MCPH1: variants seen among roughly 807,000 people sequenced by gnomAD.
MCPH1 encodes the protein microcephalin 1.
A neutral mutation model predicts 84.5 loss-of-function variants in MCPH1; 104 were observed. The ratio of observed to expected loss-of-function variants is 1.23; its 90% CI spans 1.05 to 1.45. The LOEUF (loss-of-function observed/expected upper bound fraction) is 1.45. Ranked by LOEUF, MCPH1 falls within the 40% of genes most tolerant of loss-of-function variation. MCPH1 has a pLI of 0.00. For synonymous variants in MCPH1, 514 were observed against 366.8 expected, an observed-to-expected ratio of 1.40 and a Z score of -4.58; for missense variants, 1,498 against 1,005.7, an observed-to-expected ratio of 1.49 and a Z score of -6.62.
At chr8:6,626,467 T>C (rs1030368747) in intron 13 of MCPH1, 2 of 966,390 alleles carry the variant, frequency 2.1e-6, no homozygotes, top group Non-Finnish European at 2.4e-6. Context: ...TTTGGTTTTT[T>C]TGTTTTGTTT....
chr8:6,607,511 A>T (rs1232830491), intron 12 of MCPH1, among the ~76,000 whole-genome samples: 1 of 152,188 alleles, frequency 6.6e-6, no homozygotes, highest in Non-Finnish European at 1.5e-5. Flanking sequence ...GAACCTAGCA[A>T]TGGGTGAGGA....
chr8:6,446,879 C>A, intron 8 of MCPH1: 1 of 981,150 alleles, frequency 1.0e-6, no homozygotes, highest in South Asian at 4.7e-5. Flanking sequence ...AGAACACTGC[C>A]CCCCTGCGTC....
chr8:6,462,589 C>G (rs1325157073), intron 9 of MCPH1, among the ~76,000 whole-genome samples: 1 of 152,186 alleles, frequency 6.6e-6, no homozygotes, highest in Non-Finnish European at 1.5e-5. Flanking sequence ...CTGTGCATGG[C>G]AGCGCAGTGT....
chr8:6,441,506 G>A lies in MCPH1; in HGVS notation c.581-561G>A, dbSNP rs139096153. ...TTGTTTCTTGACTATTGTATGAACC[G>A]CCTTTGAAGATAATACTTACGATCT... On this transcript the variant is annotated intron_variant, in intron 6 of 13. Transcript: ENST00000344683. Among the ~76,000 whole-genome samples the A allele has an allele frequency of 5.5e-4, 84 of 152,182 alleles. No homozygotes were observed. The East Asian group carries it at 9.7e-3, about 17-fold the overall frequency.
intron 11 of MCPH1, among the ~76,000 whole-genome samples, chr8:6,483,223 A>C (rs1053090516): frequency 6.6e-6 from 1 of 152,258 alleles, no homozygotes; most frequent in African/African-American, 2.4e-5. Context: ...ATTAGAAGAC[A>C]TAGTACAGTG....
intron 12 of MCPH1, among the ~76,000 whole-genome samples, chr8:6,523,569 G>A (rs1041098087): frequency 7.9e-5 from 12 of 151,866 alleles, no homozygotes; most frequent in Non-Finnish European, 1.3e-4. Flanking sequence ...CACAGTCAAG[G>A]TATTTGGCAG....
chr8:6,570,205 G>C (rs746224586), intron 12 of MCPH1, among the ~76,000 whole-genome samples: 16 of 152,198 alleles, frequency 1.1e-4, no homozygotes, highest in Non-Finnish European at 1.8e-4. Context: ...AAACAGTTCT[G>C]AGATGAAGTT....
intron 12 of MCPH1, among the ~76,000 whole-genome samples, chr8:6,516,556 G>A (rs546670870): frequency 6.6e-6 from 1 of 152,120 alleles, no homozygotes; most frequent in Non-Finnish European, 1.5e-5. Flanking sequence ...GAATAATACT[G>A]CCTCTTATTT....
In MCPH1 at chr8:6,592,139, T is replaced by C. The variant is rs76089547; in HGVS notation, c.2215-29315T>C. Among the ~76,000 whole-genome samples the C allele has an allele frequency of 0.031, 4,693 of 152,200 alleles. 422 individuals are homozygous for C. The East Asian group carries it at 0.35, about 11-fold the overall frequency. On this transcript the variant is annotated intron_variant, in intron 12 of 13. Coordinates refer to ENST00000344683, the MANE Select transcript of MCPH1 (RefSeq NM_024596.5). ...TCACTCAGCATTGCTCAATCTTAGTTATCATTATGGTTATTATTATTATTA... is the reference window on the plus strand; with the variant it reads ...TCACTCAGCATTGCTCAATCTTAGTCATCATTATGGTTATTATTATTATTA...
At chr8:6,459,439 T>C (rs1806038674) in intron 9 of MCPH1, among the ~76,000 whole-genome samples, 1 of 152,212 alleles carries the variant, frequency 6.6e-6, no homozygotes, top group Admixed American at 6.5e-5. Context: ...CATATTTTTA[T>C]GTATAAGGAC....
chr8:6,457,937 G>C (rs1421697499), intron 9 of MCPH1, among the ~76,000 whole-genome samples: 2 of 152,118 alleles, frequency 1.3e-5, no homozygotes, highest in South Asian at 4.1e-4. Flanking sequence ...TAAGGTTTGT[G>C]GCTGCCTGGC....
At chr8:6,467,107 TA>T (rs1261861279) in intron 9 of MCPH1, among the ~76,000 whole-genome samples, 3 of 152,198 alleles carry the variant, frequency 2.0e-5, no homozygotes, top group African/African-American at 4.8e-5. Context: ...TAGGGTTTGT[TA>T]AAAAAATTAT....
At chr8:6,435,969 G>C (rs1802582100) in intron 4 of MCPH1, 79 bp from the exon 5 acceptor site, 4 of 1,553,852 alleles carry the variant, frequency 2.6e-6, no homozygotes, top group Non-Finnish European at 3.5e-6. Flanking sequence ...AAAGGTATCA[G>C]AAATGTATGC....
intron 9 of MCPH1, among the ~76,000 whole-genome samples, chr8:6,475,041 G>C (rs949407075): frequency 6.6e-6 from 1 of 152,092 alleles, no homozygotes; most frequent in African/African-American, 2.4e-5. Context: ...CTTAATTTCT[G>C]GGAATTTTAG....
intron 12 of MCPH1, among the ~76,000 whole-genome samples, chr8:6,603,412 A>G (rs529129749): frequency 7.2e-5 from 11 of 152,208 alleles, no homozygotes; most frequent in Admixed American, 7.2e-4. Flanking sequence ...CAAAATCATC[A>G]AAATTTTTAC....
Position 6,477,736 on chromosome 8 carries a change from A to C in MCPH1, c.1973+105A>C. 4.7e-6 allele frequency: 4 copies of C among 846,428 alleles called. No individual in the cohort carries two copies. The South Asian group carries it at 5.7e-5, about 12-fold the overall frequency. The allele number at this position is 846,428 out of a possible 1,614,324, so 52.4% of individuals were successfully genotyped here. A position where few individuals can be genotyped will look rare whatever the true frequency, so the allele number is the denominator to read the frequency against. On this transcript the variant is annotated intron_variant, in intron 10 of 13. Transcript: ENST00000344683. Reference sequence around the variant, plus strand: ...GCAACTTGTCAATCTGTCCTGTATCACTTTTACTTTATAAAATTAATATCT... The same window carrying C: ...GCAACTTGTCAATCTGTCCTGTATCCCTTTTACTTTATAAAATTAATATCT...
At chr8:6,483,886 G>A (rs1001605725) in intron 11 of MCPH1, among the ~76,000 whole-genome samples, 1 of 151,552 alleles carries the variant, frequency 6.6e-6, no homozygotes, top group Admixed American at 6.6e-5. Flanking sequence ...GGAGAGGAGA[G>A]GAGGAAGGAA....
intron 2 of MCPH1, among the ~76,000 whole-genome samples, chr8:6,412,215 A>G (rs555837397): frequency 7.5e-4 from 114 of 152,272 alleles, no homozygotes; most frequent in African/African-American, 2.7e-3. Flanking sequence ...GCCCACTGTA[A>G]TACACTGGAA....
At chr8:6,467,166 T>A (rs1807086615) in intron 9 of MCPH1, among the ~76,000 whole-genome samples, 1 of 152,214 alleles carries the variant, frequency 6.6e-6, no homozygotes, top group African/African-American at 2.4e-5. Context: ...GACTTTTGGA[T>A]AGACTTAAGA....
Sources: gnomAD v4.1 joint callset for allele counts (sites outside exome capture counted in the v4.1 genomes callset) on GRCh38, gnomAD v4.1.1 for gene constraint, MANE v1.5 for transcripts, NCBI Gene and HGNC (gene_info 2026-07-23, HGNC 2026-07-21) for gene names.